Variants in CATSPERT observed in about 807,000 individuals in gnomAD.
The protein encoded by CATSPERT is cation channel sperm-associated targeting subunit tau.
the CATSPERT span, among the ~76,000 whole-genome samples, chr2:201,542,789 C>T: frequency 1.5e-3 from 231 of 152,128 alleles, 2 homozygotes; most frequent in African/African-American, 5.3e-3. Context: ...CAAATATATT[C>T]CCCCATTCTG....
chr2:201,509,882 C>G, the CATSPERT span, among the ~76,000 whole-genome samples: 1 of 150,864 alleles, frequency 6.6e-6, no homozygotes, highest in South Asian at 2.1e-4. Flanking sequence ...ATTCCTTACT[C>G]CCCAAATGGG....
chr2:201,559,967 T>TAA, the CATSPERT span, among the ~76,000 whole-genome samples: 1 of 151,834 alleles, frequency 6.6e-6, no homozygotes, highest in Admixed American at 6.6e-5. Context: ...AGAAAAAAAT[T>TAA]AAAAATAATG....
chr2:201,514,771 C>G, the CATSPERT span, among the ~76,000 whole-genome samples: 2 of 152,308 alleles, frequency 1.3e-5, no homozygotes, highest in Middle Eastern at 3.4e-3. Flanking sequence ...ATAGCTGGCC[C>G]TTGGGCTAAA....
At chr2:201,561,873 CA>C in the CATSPERT span, among the ~76,000 whole-genome samples, 1 of 142,372 alleles carries the variant, frequency 7.0e-6, no homozygotes, top group East Asian at 2.0e-4. Context: ...GACTCCATCT[CA>C]AAAAAAAGGA....
chr2:201,504,830 G>C, the CATSPERT span, among the ~76,000 whole-genome samples: 61 of 152,360 alleles, frequency 4.0e-4, no homozygotes, highest in Admixed American at 8.5e-4. Flanking sequence ...CCTAGTGCCA[G>C]TGTACTGGTC....
the CATSPERT span, among the ~76,000 whole-genome samples, chr2:201,589,228 G>A: frequency 2.0e-5 from 3 of 151,836 alleles, no homozygotes; most frequent in African/African-American, 7.3e-5. Flanking sequence ...CCCCCATTGA[G>A]ATTCTTCAAA....
the CATSPERT span, among the ~76,000 whole-genome samples, chr2:201,499,643 G>A: frequency 6.6e-6 from 1 of 151,772 alleles, no homozygotes; most frequent in African/African-American, 2.4e-5. Flanking sequence ...AGATCAGCCT[G>A]AGCAACATGG....
chr2:201,586,607 TTA>T, the CATSPERT span, among the ~76,000 whole-genome samples: 21 of 152,082 alleles, frequency 1.4e-4, no homozygotes, highest in Non-Finnish European at 2.5e-4. Flanking sequence ...ATAATGTAAT[TTA>T]TATTTTTCTA....
the CATSPERT span, among the ~76,000 whole-genome samples, chr2:201,612,506 G>A: frequency 1.4e-4 from 21 of 151,796 alleles, no homozygotes; most frequent in Middle Eastern, 3.4e-3. Context: ...CCCGGGAGGC[G>A]GAGGTTGCTG....
the CATSPERT span, chr2:201,494,869 C>CCTA: frequency 1.0e-6 from 1 of 978,568 alleles, no homozygotes; most frequent in Non-Finnish European, 1.3e-6. Flanking sequence ...TATTCAGTCT[C>CCTA]CTACCCTCCA....
the CATSPERT span, among the ~76,000 whole-genome samples, chr2:201,543,663 G>C: frequency 2.6e-5 from 4 of 152,110 alleles, no homozygotes; most frequent in Admixed American, 1.3e-4. Context: ...TTCATTGTTA[G>C]TGTATAGAAA....
chr2:201,496,271 T>A, the CATSPERT span, among the ~76,000 whole-genome samples: 47 of 152,276 alleles, frequency 3.1e-4, no homozygotes, highest in African/African-American at 1.1e-3. Context: ...GTAATCTGAT[T>A]TTTAAAAGGC....
At chr2:201,507,473 A>G in the CATSPERT span, among the ~76,000 whole-genome samples, 3 of 152,214 alleles carry the variant, frequency 2.0e-5, no homozygotes, top group African/African-American at 7.2e-5. Context: ...AGATGATTCT[A>G]ATACTTCATC....
chr2:201,580,440 C>T, the CATSPERT span, among the ~76,000 whole-genome samples: 1 of 152,162 alleles, frequency 6.6e-6, no homozygotes, highest in Non-Finnish European at 1.5e-5. Flanking sequence ...GTTGCAAAAA[C>T]AATAATTTGT....
chr2:201,615,336 C>G, the CATSPERT span, among the ~76,000 whole-genome samples: 1 of 152,194 alleles, frequency 6.6e-6, no homozygotes, highest in African/African-American at 2.4e-5. Context: ...TGTAAAAGAA[C>G]AGAAATTATA....
chr2:201,610,642 A>T, the CATSPERT span, among the ~76,000 whole-genome samples: 1 of 152,196 alleles, frequency 6.6e-6, no homozygotes, highest in Non-Finnish European at 1.5e-5. Flanking sequence ...TGCAAAAACC[A>T]GACAAGGATA....
chr2:201,502,035 A>G, the CATSPERT span, among the ~76,000 whole-genome samples: 4 of 152,288 alleles, frequency 2.6e-5, no homozygotes, highest in South Asian at 4.1e-4. Context: ...GCCAGCTTAG[A>G]ACGGACATAT....
the CATSPERT span, chr2:201,492,048 C>T: frequency 2.0e-6 from 3 of 1,530,766 alleles, no homozygotes; most frequent in South Asian, 3.6e-5. Context: ...TTTTCTGTTC[C>T]TTAATTAAAG....
chr2:201,579,833 G>T, the CATSPERT span, among the ~76,000 whole-genome samples: 522 of 151,394 alleles, frequency 3.4e-3, 3 homozygotes, highest in African/African-American at 0.012. Context: ...ATTAGATTTG[G>T]GTTACACTTC....
Sources: gnomAD v4.1 joint callset for allele counts (sites outside exome capture counted in the v4.1 genomes callset) on GRCh38, gnomAD v4.1.1 for gene constraint, MANE v1.5 for transcripts, NCBI Gene and HGNC (gene_info 2026-07-23, HGNC 2026-07-21) for gene names.